TRIM62: variants seen among roughly 807,000 people sequenced by gnomAD.
TRIM62 encodes E3 ubiquitin-protein ligase TRIM62.
TRIM62 carries 39 observed loss-of-function variants against 44.2 expected under a neutral mutation model. The ratio of observed to expected loss-of-function variants is 0.88; its 90% CI spans 0.68 to 1.15. TRIM62 has a LOEUF of 1.15. TRIM62 is among the 50% of genes most tolerant of loss of function. The probability of loss-of-function intolerance (pLI) is 0.00; values close to 1 mark genes in which losing one functional copy is unlikely to be tolerated. For missense variants in TRIM62, 544 were observed against 665.5 expected (o/e 0.82, Z 2.01); for synonymous variants, 278 against 292.3 (o/e 0.95, Z 0.50).
rs1041797483 is a variant in TRIM62, at chr1:33,159,285, A to G, written c.761+403T>C. On this transcript the variant is annotated intron_variant, in intron 3 of 4. Transcript: ENST00000291416. This position sits in a 1 kb window ranked among gnomAD's most constrained non-coding sequence, Gnocchi z 4.2. ...TATCATAAATAAAATAATATGTAAT[A>G]TATTTATATTATGATTGTAAACACT... Among the ~76,000 whole-genome samples the G allele has an allele frequency of 6.6e-6, 1 of 152,124 alleles. No homozygotes were observed. The highest frequency in any genetic ancestry group is 2.4e-5 in the African/African-American group (1 of 41,426).
Position 33,145,679 on chromosome 1 carries a change from G to A in TRIM62, c.*1498C>T, listed in dbSNP as rs536955221. On this transcript the variant is annotated 3_prime_UTR_variant, in exon 5 of 5. Transcript: ENST00000291416. ...AGGACTAGAAAGAAAAGTCAAGGCC[G>A]GGGAGACATTTAGGCTCAGTCTTGC... 6 of 321,538 alleles carry A rather than the reference G, an allele frequency of 1.9e-5. 1 individual carries two copies. The highest frequency in any genetic ancestry group is 1.3e-4 in the Admixed American group (3 of 22,290). 19.9% of individuals were successfully genotyped at this position (321,538 alleles called of 1,614,324 possible).
In TRIM62 at chr1:33,146,875, C is replaced by T; in HGVS notation, c.*302G>A. The T allele has an allele frequency of 2.4e-6, 1 of 412,564 alleles. No homozygotes were observed. Among genetic ancestry groups the T allele is most frequent in the Non-Finnish European group, 4.5e-6 (1 of 224,528 alleles). The allele number at this position is 412,564 out of a possible 1,614,324, so 25.6% of individuals were successfully genotyped here. A position where few individuals can be genotyped will look rare whatever the true frequency, so the allele number is the denominator to read the frequency against. ...GGAGGGAGACACTGGAAGGTAGTCC[C>T]CTGCCCCTGAGAAGATGGGGATGAG... On this transcript the variant is annotated 3_prime_UTR_variant, in exon 5 of 5. Coordinates refer to ENST00000291416, the MANE Select transcript of TRIM62 (RefSeq NM_018207.3).
Position 33,161,155 on chromosome 1 carries a change from C to T in TRIM62, c.505-1211G>A, listed in dbSNP as rs1645260615. Among the ~76,000 whole-genome samples, 1 of 152,220 alleles carries T rather than the reference C, an allele frequency of 6.6e-6. No individual in the cohort carries two copies. Among genetic ancestry groups the T allele is most frequent in the South Asian group, 2.1e-4 (1 of 4,830 alleles). ...TGAGGGGGTGTTGTTGTGCGCACTCCAAGGCGCAGAGAAAGAGCCTGGTTA... is the reference window on the plus strand; with the variant it reads ...TGAGGGGGTGTTGTTGTGCGCACTCTAAGGCGCAGAGAAAGAGCCTGGTTA... On this transcript the variant is annotated intron_variant, in intron 2 of 4. Transcript: ENST00000291416. This position sits in a 1 kb window ranked among gnomAD's most constrained non-coding sequence, Gnocchi z 4.3.
At chr1:33,171,979 A>AGG (rs1645378073) in intron 1 of TRIM62, among the ~76,000 whole-genome samples, 1 of 152,056 alleles carries the variant, frequency 6.6e-6, no homozygotes, top group East Asian at 1.9e-4. Context: ...ATGGGGTTTC[A>AGG]CCATGTTGGT....
rs547164469 is a variant in TRIM62, at chr1:33,177,683, T to C, written c.408+3342A>G. 2.0e-5 allele frequency among the ~76,000 whole-genome samples: 3 copies of C among 152,112 alleles called. No individual in the cohort carries two copies. The South Asian group carries it at 6.2e-4, about 32-fold the overall frequency. ...TCACAACTTGCGGGGTGGGTGGAGT[T>C]TGCTACTGGCATCTAATGGGTAGAG... is the stretch of plus-strand genomic sequence containing the variant. On this transcript the variant is annotated intron_variant, in intron 1 of 4. Coordinates refer to ENST00000291416, the MANE Select transcript of TRIM62 (RefSeq NM_018207.3). This position sits in a 1 kb window ranked among gnomAD's most constrained non-coding sequence, Gnocchi z 4.1.
chr1:33,165,826 A>G lies in TRIM62; in HGVS notation c.409-260T>C, dbSNP rs1645322918. ...ACCCTAGAGGCTTCTGTGACAATCG[A>G]CTTCCACATACACACTCTCTGGCTC... is the stretch of plus-strand genomic sequence containing the variant. On this transcript the variant is annotated intron_variant, in intron 1 of 4. Coordinates refer to ENST00000291416, the MANE Select transcript of TRIM62 (RefSeq NM_018207.3). This position sits in a 1 kb window ranked among gnomAD's most constrained non-coding sequence, Gnocchi z 4.0. The G allele has an allele frequency of 1.9e-5, 6 of 320,486 alleles. No individual in the cohort carries two copies. Among genetic ancestry groups the G allele is most frequent in the Non-Finnish European group, 5.7e-6 (1 of 174,536 alleles). 19.9% of individuals were successfully genotyped at this position (320,486 alleles called of 1,614,324 possible).
Position 33,181,277 on chromosome 1 carries a change from C to T in TRIM62, c.156G>A (p.Glu52=), listed in dbSNP as rs775326209. The T allele has an allele frequency of 3.2e-6, 5 of 1,549,570 alleles. No homozygotes were observed. Among genetic ancestry groups the T allele is most frequent in the East Asian group, 2.4e-5 (1 of 41,834 alleles). Residue 52 remains glutamate (E), a synonymous_variant, in exon 1 of 5, where the codon GAG becomes GAA. Transcript: ENST00000291416. This position sits in a 1 kb window ranked among gnomAD's most constrained non-coding sequence, Gnocchi z 6.5. The stretch of plus-strand genomic sequence containing the variant: ...CGGGCTCGGCGAACGTGCGCCGGCA[C>T]TCGGGGCAGTCGCGGGCGCCCTGCG... ...QEAQGARDCP[E]CRRTFAEPAL...
rs1349169201 is a variant in TRIM62 at position 33,177,107 on chromosome 1, A to G, written c.408+3918T>C. Among the ~76,000 whole-genome samples, 1 of 151,632 alleles carries G rather than the reference A, an allele frequency of 6.6e-6. No homozygotes were observed. The highest frequency in any genetic ancestry group is 1.5e-5 in the Non-Finnish European group (1 of 67,916). On this transcript the variant is annotated intron_variant, in intron 1 of 4. Transcript: ENST00000291416. The surrounding 1 kb of genome is among the most constrained non-coding windows in gnomAD (Gnocchi z 4.1). ...CATGCACAAATGCACACACATGCACACACACATGCATGTACGCATGCACAC... is the reference window on the plus strand; with the variant it reads ...CATGCACAAATGCACACACATGCACGCACACATGCATGTACGCATGCACAC...
At position 33,147,690 on chromosome 1, in the gene TRIM62, G is replaced by A. The variant is rs764334333; in HGVS notation, c.915C>T (p.His305=). The stretch of plus-strand genomic sequence containing the variant: ...AGTCGTCCGACAGGATCAGGCGCTG[G>A]TGGGCTGTGCCCGGGTCCAGGGTTA... ...AALTLDPGTA[H]QRLILSDDCT... Residue 305 remains histidine (H), a synonymous_variant, in exon 5 of 5, where the codon CAC becomes CAT. Coordinates refer to ENST00000291416, the MANE Select transcript of TRIM62 (RefSeq NM_018207.3). This position sits in a 1 kb window ranked among gnomAD's most constrained non-coding sequence, Gnocchi z 8.1. 3 of 1,613,516 alleles carry A rather than the reference G, an allele frequency of 1.9e-6. No homozygotes were observed. The highest frequency in any genetic ancestry group is 2.2e-5 in the South Asian group (2 of 91,080).
chr1:33,172,977 C>A (rs1645385833), intron 1 of TRIM62, among the ~76,000 whole-genome samples: 1 of 152,206 alleles, frequency 6.6e-6, no homozygotes, highest in Non-Finnish European at 1.5e-5. Context: ...CATGGCGCTG[C>A]ACACAATAGG....
At position 33,159,685 on chromosome 1, in the gene TRIM62, T is replaced by C; in HGVS notation, c.761+3A>G. 6.2e-7 allele frequency: 1 copy of C among 1,603,822 alleles called. No individual in the cohort carries two copies. The highest frequency in any genetic ancestry group is 8.5e-7 in the Non-Finnish European group (1 of 1,176,474). Reference sequence around the variant, plus strand: ...GGGGAGGGCCCCGGCGGGTGGCACTTACCGCTCGGACAGTGAGGCCACCCC... The same window carrying C: ...GGGGAGGGCCCCGGCGGGTGGCACTCACCGCTCGGACAGTGAGGCCACCCC... On this transcript the variant is annotated splice_donor_region_variant and intron_variant, in intron 3 of 4. Coordinates refer to ENST00000291416, the MANE Select transcript of TRIM62 (RefSeq NM_018207.3). This position sits in a 1 kb window ranked among gnomAD's most constrained non-coding sequence, Gnocchi z 4.2.
chr1:33,180,745 C>G (rs917643622), intron 1 of TRIM62, among the ~76,000 whole-genome samples: 2 of 152,230 alleles, frequency 1.3e-5, no homozygotes, highest in Non-Finnish European at 2.9e-5. Context: ...ATCCGCATCC[C>G]CGACTTCTCC....
At chr1:33,176,402 G>A in intron 1 of TRIM62, 1 of 695,898 alleles carries the variant, frequency 1.4e-6, no homozygotes, top group Non-Finnish European at 2.6e-6. Context: ...ACCATACCCT[G>A]CCTACCAGGG....
chr1:33,170,150 C>T (rs1048629294), intron 1 of TRIM62, among the ~76,000 whole-genome samples: 1 of 151,992 alleles, frequency 6.6e-6, no homozygotes, highest in Non-Finnish European at 1.5e-5. Flanking sequence ...GCCAACATGG[C>T]AAAACCCCGT....
chr1:33,146,361 A>G lies in TRIM62; in HGVS notation c.*816T>C, dbSNP rs1249171731. On this transcript the variant is annotated 3_prime_UTR_variant, in exon 5 of 5. Transcript: ENST00000291416. ...TTCTGGAAGCCTCCTGCACCCTAGC[A>G]GGTCACAGAGGCCTGGCTGAAGAGG... 6.1e-6 allele frequency: 1 copy of G among 164,228 alleles called. No individual in the cohort carries two copies. Among genetic ancestry groups the G allele is most frequent in the African/African-American group, 2.4e-5 (1 of 41,606 alleles). 10.2% of individuals were successfully genotyped at this position (164,228 alleles called of 1,614,324 possible).
chr1:33,169,795 G>C (rs1221274761), intron 1 of TRIM62, among the ~76,000 whole-genome samples: 1 of 152,238 alleles, frequency 6.6e-6, no homozygotes, highest in Non-Finnish European at 1.5e-5. Context: ...CTGGGCTGCT[G>C]TATCAGACAG....
Position 33,181,500 on chromosome 1 carries a change from G to T in TRIM62, c.-68C>A. ...GCGGCTGAGAGAGCGCGGCGCTGTC[G>T]GAGGCAGCACCGAGGGCTGGGCGCG... On this transcript the variant is annotated 5_prime_UTR_variant, in exon 1 of 5. Transcript: ENST00000291416. The surrounding 1 kb of genome is among the most constrained non-coding windows in gnomAD (Gnocchi z 6.5). The T allele has an allele frequency of 6.7e-7, 1 of 1,499,830 alleles. No individual in the cohort carries two copies. The highest frequency in any genetic ancestry group is 8.8e-7 in the Non-Finnish European group (1 of 1,134,310). The allele number at this position is 1,499,830 out of a possible 1,614,324, so 92.9% of individuals were successfully genotyped here.
At position 33,161,161 on chromosome 1, in the gene TRIM62, G is replaced by A. The variant is rs185177822; in HGVS notation, c.505-1217C>T. 4.3e-4 allele frequency among the ~76,000 whole-genome samples: 66 copies of A among 152,348 alleles called. No individual in the cohort carries two copies. Among genetic ancestry groups the A allele is most frequent in the Admixed American group, 9.1e-4 (14 of 15,308 alleles). On this transcript the variant is annotated intron_variant, in intron 2 of 4. Coordinates refer to ENST00000291416, the MANE Select transcript of TRIM62 (RefSeq NM_018207.3). The surrounding 1 kb of genome is among the most constrained non-coding windows in gnomAD (Gnocchi z 4.3). ...GGTGTTGTTGTGCGCACTCCAAGGC[G>A]CAGAGAAAGAGCCTGGTTATTGAAG...
intron 4 of TRIM62, among the ~76,000 whole-genome samples, chr1:33,151,482 G>A (rs1406237078): frequency 6.6e-6 from 1 of 152,136 alleles, no homozygotes; most frequent in Non-Finnish European, 1.5e-5. Flanking sequence ...GCTAACAGGA[G>A]TAACAACCTT....
Sources: allele counts gnomAD v4.1 joint callset (sites outside exome capture counted in the v4.1 genomes callset), GRCh38; gene constraint gnomAD v4.1.1; non-coding constraint Gnocchi (gnomAD v3.1); transcripts MANE v1.5; gene names NCBI Gene and HGNC (gene_info 2026-07-23, HGNC 2026-07-21).